The following MEF2A variants were observed in gnomAD, a reference collection of about 807,000 sequenced individuals.
MEF2A encodes the protein myocyte enhancer factor 2A.
Under a neutral mutation model 55.8 loss-of-function variants are expected in MEF2A, and 28 were observed. The ratio of observed to expected loss-of-function variants is 0.50; its 90% CI spans 0.37 to 0.69. MEF2A has a LOEUF of 0.69. Among genes scored for constraint, MEF2A ranks in the 30% least tolerant of loss-of-function variants. The pLI is 0.00. For synonymous variants in MEF2A, 239 were observed against 227.1 expected (o/e 1.05, Z -0.47); for missense variants, 528 against 626.2 (o/e 0.84, Z 1.67).
chr15:99,646,695 T>C (rs974672667), intron 4 of MEF2A, among the ~76,000 whole-genome samples: 1 of 152,104 alleles, frequency 6.6e-6, no homozygotes, highest in African/African-American at 2.4e-5. Flanking sequence ...ATAATTTAGC[T>C]GTTTTGTTGT....
At position 99,613,397 on chromosome 15, in the gene MEF2A, C is replaced by T. The variant is rs551079639; in HGVS notation, c.-143+14886C>T. 4.0e-3 allele frequency among the ~76,000 whole-genome samples: 603 copies of T among 152,222 alleles called. 4 individuals are homozygous for T. The highest frequency in any genetic ancestry group is 6.2e-3 in the South Asian group (30 of 4,822). ...TATTGTTTTATGCAACAATAGTAAA[C>T]GGCAGTAGGAACTGAGAGAACCTCA... On this transcript the variant is annotated intron_variant, in intron 2 of 11. Coordinates refer to ENST00000557942, the MANE Select transcript of MEF2A (RefSeq NM_001319206.4).
At chr15:99,566,445 G>T (rs1225965824) in intron 1 of MEF2A, 1 of 144,318 alleles carries the variant, frequency 6.9e-6, no homozygotes, top group Non-Finnish European at 1.5e-5. Context: ...GGCCGGTGGG[G>T]CTGGATGGGG....
intron 7 of MEF2A, among the ~76,000 whole-genome samples, chr15:99,677,842 A>T (rs1357942555): frequency 6.6e-6 from 1 of 152,220 alleles, no homozygotes; most frequent in African/African-American, 2.4e-5. Flanking sequence ...AGGACAGCAA[A>T]TTAAACATAA....
At chr15:99,699,600 A>C (rs117248276) in intron 8 of MEF2A, among the ~76,000 whole-genome samples, 1,959 of 152,316 alleles carry the variant, frequency 0.013, 17 homozygotes, top group Non-Finnish European at 0.022. Flanking sequence ...TCACACATGA[A>C]TATAACTTTA....
chr15:99,671,520 G>A (rs1167885533), intron 5 of MEF2A, 66 bp downstream of exon 5: 1 of 1,613,598 alleles, frequency 6.2e-7, no homozygotes, highest in African/African-American at 1.3e-5. Context: ...CATTATTTAG[G>A]CTCTGAACAA....
At chr15:99,706,109 G>A (rs763859213) in intron 9 of MEF2A, among the ~76,000 whole-genome samples, 2 of 152,080 alleles carry the variant, frequency 1.3e-5, no homozygotes, top group Non-Finnish European at 2.9e-5. Flanking sequence ...CTGCCCTGTC[G>A]GCAGTACTTG....
chr15:99,642,046 G>A, intron 3 of MEF2A, among the ~76,000 whole-genome samples: 1 of 152,166 alleles, frequency 6.6e-6, no homozygotes. Flanking sequence ...AGGGCTTGTA[G>A]GTGTTATACT....
chr15:99,642,796 G>A (rs558366064), intron 3 of MEF2A, among the ~76,000 whole-genome samples: 1 of 152,258 alleles, frequency 6.6e-6, no homozygotes, highest in South Asian at 2.1e-4. Context: ...TGCCACTTTT[G>A]TGAAGAACTC....
intron 4 of MEF2A, among the ~76,000 whole-genome samples, chr15:99,662,433 C>A (rs532285013): frequency 1.3e-5 from 2 of 151,224 alleles, no homozygotes; most frequent in South Asian, 2.1e-4. Flanking sequence ...TCACAATAAT[C>A]TAGTTTCAAT....
chr15:99,677,868 A>G (rs912477441), intron 7 of MEF2A, among the ~76,000 whole-genome samples: 2 of 152,218 alleles, frequency 1.3e-5, no homozygotes, highest in African/African-American at 4.8e-5. Flanking sequence ...GTAGAACCAA[A>G]TAACAAAGAT....
intron 2 of MEF2A, among the ~76,000 whole-genome samples, chr15:99,600,421 C>T (rs759000292): frequency 3.9e-5 from 6 of 151,958 alleles, no homozygotes; most frequent in African/African-American, 1.2e-4. Flanking sequence ...TGTTAACTGG[C>T]GAAGCTCAGA....
At chr15:99,571,252 C>T (rs1179617017) in intron 1 of MEF2A, among the ~76,000 whole-genome samples, 4 of 151,652 alleles carry the variant, frequency 2.6e-5, no homozygotes, top group Non-Finnish European at 5.9e-5. Context: ...ACTGTTCTTA[C>T]TGTGTTCTTA....
chr15:99,645,479 A>G, intron 3 of MEF2A, 82 bp from the exon 4 acceptor site: 1 of 1,037,444 alleles, frequency 9.6e-7, no homozygotes, highest in South Asian at 1.6e-5. Context: ...GCTCAGTATT[A>G]AGAAGAAGAT....
intron 2 of MEF2A, among the ~76,000 whole-genome samples, chr15:99,602,628 C>T (rs951800134): frequency 1.0e-4 from 15 of 146,176 alleles, no homozygotes. Flanking sequence ...CTGACCGTCA[C>T]CTGGTGGTTG....
chr15:99,586,557 A>G (rs28834979), intron 1 of MEF2A, among the ~76,000 whole-genome samples: 5,047 of 152,156 alleles, frequency 0.033, 294 homozygotes, highest in African/African-American at 0.11. Context: ...AGACATCTTT[A>G]TATATTCTAC....
chr15:99,643,609 T>G (rs1040823128), intron 3 of MEF2A, among the ~76,000 whole-genome samples: 6 of 151,486 alleles, frequency 4.0e-5, no homozygotes, highest in African/African-American at 1.5e-4. Flanking sequence ...TTTTTTTTTT[T>G]GAGATGGAGT....
chr15:99,600,523 T>G (rs1972618526), intron 2 of MEF2A, among the ~76,000 whole-genome samples: 1 of 152,188 alleles, frequency 6.6e-6, no homozygotes, highest in Non-Finnish European at 1.5e-5. Context: ...CTTCATGTCT[T>G]GGAACTTCTT....
intron 1 of MEF2A, among the ~76,000 whole-genome samples, chr15:99,594,570 G>A (rs1970527272): frequency 6.6e-6 from 1 of 151,022 alleles, no homozygotes; most frequent in African/African-American, 2.5e-5. Context: ...CCTCCCCAGA[G>A]GTTGGGAGTT....
At chr15:99,688,132 ACACTGTAATCTCTGTTTTATAAATG>A (rs930934248) in intron 7 of MEF2A, among the ~76,000 whole-genome samples, 5 of 152,230 alleles carry the variant, frequency 3.3e-5, no homozygotes, top group African/African-American at 1.2e-4. Flanking sequence ...TTGAAATACC[ACACTGTAATCTCTGTTTTATAAATG>A]CACATTATAT....
Sources: allele counts gnomAD v4.1 joint callset (sites outside exome capture counted in the v4.1 genomes callset), GRCh38; gene constraint gnomAD v4.1.1; transcripts MANE v1.5; gene names NCBI Gene and HGNC (gene_info 2026-07-23, HGNC 2026-07-21).